Variants in NAV2 observed in about 807,000 individuals in gnomAD.
NAV2 encodes neuron navigator 2, also known as helicase, APC down-regulated 1.
In NAV2, 54 loss-of-function variants were observed where a neutral mutation model predicts 223.2. The observed-to-expected ratio is 0.24, with a 90% confidence interval of 0.19 to 0.30. The LOEUF (loss-of-function observed/expected upper bound fraction) is 0.30. Among genes scored for constraint, NAV2 ranks in the 10% least tolerant of loss-of-function variants. The pLI, the probability that NAV2 is intolerant of heterozygous loss-of-function variation, is 1.00. For missense variants in NAV2, 2,806 were observed against 3,147.5 expected (o/e 0.89, Z 2.60); for synonymous variants, 1,279 against 1,239.3 (o/e 1.03, Z -0.67).
chr11:20,101,295 A>C, intron 32 of NAV2, 123 bp downstream of exon 32: 1 of 757,536 alleles, frequency 1.3e-6, no homozygotes, highest in East Asian at 2.7e-5. Flanking sequence ...TAGAAAGCCA[A>C]GTGAAAGAGG....
At chr11:20,093,850 G>T (rs780783986) in intron 29 of NAV2, among the ~76,000 whole-genome samples, 3 of 152,140 alleles carry the variant, frequency 2.0e-5, no homozygotes, top group Non-Finnish European at 4.4e-5. Flanking sequence ...TTGAATTTTA[G>T]CCAGTGATTA....
intron 1 of NAV2, among the ~76,000 whole-genome samples, chr11:19,570,835 G>A (rs929115904): frequency 7.2e-5 from 11 of 152,186 alleles, no homozygotes; most frequent in African/African-American, 2.7e-4. Context: ...TATAGTGCTG[G>A]TGGGAATGTA....
intron 1 of NAV2, among the ~76,000 whole-genome samples, chr11:19,650,658 A>T (rs2047944722): frequency 6.6e-6 from 1 of 152,188 alleles, no homozygotes; most frequent in East Asian, 1.9e-4. Flanking sequence ...GTAGCCCCAA[A>T]CTGGAAACAA....
intron 6 of NAV2, among the ~76,000 whole-genome samples, chr11:19,893,994 C>T (rs1475939596): frequency 5.3e-5 from 8 of 152,054 alleles, no homozygotes; most frequent in Non-Finnish European, 1.2e-4. Context: ...TATATATATC[C>T]ATCCATAACT....
chr11:19,625,574 C>T (rs1410788449), intron 1 of NAV2, among the ~76,000 whole-genome samples: 4 of 152,148 alleles, frequency 2.6e-5, no homozygotes, highest in African/African-American at 9.7e-5. Flanking sequence ...TGCCCAGTAG[C>T]AGGATTGCTG....
chr11:20,107,100 C>T (rs1419534388), intron 35 of NAV2: 19 of 88,584 alleles, frequency 2.1e-4, no homozygotes, highest in South Asian at 4.0e-4. Context: ...TTTTTTAGGA[C>T]GGAGTCTCGC....
intron 1 of NAV2, among the ~76,000 whole-genome samples, chr11:19,500,825 G>A (rs1225990044): frequency 2.6e-5 from 4 of 152,148 alleles, no homozygotes; most frequent in African/African-American, 9.7e-5. Flanking sequence ...GCTAGTGAGT[G>A]GCAAAGATCT....
intron 2 of NAV2, 144 bp from the exon 3 acceptor site, chr11:19,842,727 G>T: frequency 1.6e-6 from 1 of 622,638 alleles, no homozygotes; most frequent in South Asian, 2.3e-5. Context: ...CTTGCTAGAT[G>T]TGTCTCAGTA....
At chr11:20,106,549 G>C (rs2062126593) in intron 35 of NAV2, among the ~76,000 whole-genome samples, 1 of 43,618 alleles carries the variant, frequency 2.3e-5, no homozygotes, top group Non-Finnish European at 5.1e-5. Context: ...AACAGAGTGA[G>C]ACTCCAAAAA....
intron 1 of NAV2, among the ~76,000 whole-genome samples, chr11:19,366,762 G>T (rs974275249): frequency 6.6e-6 from 1 of 152,212 alleles, no homozygotes; most frequent in South Asian, 2.1e-4. Flanking sequence ...GAGCACCAAG[G>T]CTGTCTGAGA....
At chr11:19,609,036 C>A (rs546333808) in intron 1 of NAV2, among the ~76,000 whole-genome samples, 6 of 152,322 alleles carry the variant, frequency 3.9e-5, no homozygotes, top group Non-Finnish European at 8.8e-5. Context: ...ACTGGGCCCA[C>A]CTGAATAATC....
At chr11:19,707,032 A>G (rs1166444306) in intron 1 of NAV2, among the ~76,000 whole-genome samples, 4 of 152,180 alleles carry the variant, frequency 2.6e-5, no homozygotes, top group Non-Finnish European at 5.9e-5. Context: ...ATATAGTATA[A>G]AAGATTTTTT....
chr11:19,444,559 C>G (rs181247265), intron 1 of NAV2, among the ~76,000 whole-genome samples: 6 of 152,016 alleles, frequency 3.9e-5, no homozygotes, highest in Non-Finnish European at 8.8e-5. Flanking sequence ...AACCGGCCCC[C>G]CACTGCCCAC....
At chr11:19,497,850 A>G (rs2251018) in intron 1 of NAV2, among the ~76,000 whole-genome samples, 123,220 of 152,044 alleles carry the variant, frequency 0.81, 50,462 homozygotes, top group Non-Finnish European at 0.88. Flanking sequence ...GGATTGCCAG[A>G]TTTGGGAATG....
intron 1 of NAV2, among the ~76,000 whole-genome samples, chr11:19,419,087 C>G (rs1419868836): frequency 6.6e-6 from 1 of 152,048 alleles, no homozygotes; most frequent in Non-Finnish European, 1.5e-5. Context: ...GGAGCTGAGC[C>G]CTGGAGATTC....
intron 1 of NAV2, among the ~76,000 whole-genome samples, chr11:19,458,706 T>C (rs1040269712): frequency 1.3e-5 from 2 of 152,258 alleles, no homozygotes; most frequent in African/African-American, 2.4e-5. Context: ...GCCTTACTCC[T>C]GAGCCCATGC....
chr11:19,621,054 G>A (rs965134266), intron 1 of NAV2, among the ~76,000 whole-genome samples: 3 of 152,122 alleles, frequency 2.0e-5, no homozygotes, highest in Non-Finnish European at 2.9e-5. Context: ...TTTATATGAC[G>A]GATTAGGTTT....
chr11:19,794,597 G>A (rs1008803091), intron 1 of NAV2, among the ~76,000 whole-genome samples: 4 of 152,170 alleles, frequency 2.6e-5, no homozygotes, highest in Admixed American at 6.5e-5. Context: ...ACCATGGTAG[G>A]TCCACAGAGA....
intron 11 of NAV2, among the ~76,000 whole-genome samples, chr11:20,015,487 G>T (rs971437380): frequency 2.0e-5 from 3 of 152,136 alleles, no homozygotes; most frequent in Non-Finnish European, 4.4e-5. Flanking sequence ...TGACTTTGTG[G>T]ACAATAATTT....
Sources: gnomAD v4.1 joint callset for allele counts (sites outside exome capture counted in the v4.1 genomes callset) on GRCh38, gnomAD v4.1.1 for gene constraint, MANE v1.5 for transcripts, NCBI Gene and HGNC (gene_info 2026-07-23, HGNC 2026-07-21) for gene names.